Variants in DLG2 observed in about 807,000 individuals in gnomAD.
DLG2 encodes the protein disks large homolog 2.
In DLG2, 45 loss-of-function variants were observed where a neutral mutation model predicts 132.5. That is an observed-to-expected ratio of 0.34 (90% CI 0.27 to 0.44). DLG2 has a LOEUF of 0.44. Among genes scored for constraint, DLG2 ranks in the 20% least tolerant of loss-of-function variants. DLG2 has a pLI of 1.00. For synonymous variants in DLG2, 424 were observed against 419.6 expected (o/e 1.01, Z -0.13); for missense variants, 1,045 against 1,196.9 (o/e 0.87, Z 1.87).
intron 19 of DLG2, among the ~76,000 whole-genome samples, chr11:83,594,199 C>G (rs2097245711): frequency 6.6e-6 from 1 of 152,218 alleles, no homozygotes; most frequent in Admixed American, 6.5e-5. Context: ...AACCCTTTCT[C>G]TTCTGCCTTG....
intron 6 of DLG2, among the ~76,000 whole-genome samples, chr11:85,095,283 C>T (rs1304012284): frequency 1.3e-5 from 2 of 152,100 alleles, no homozygotes; most frequent in Non-Finnish European, 2.9e-5. Flanking sequence ...AAAATGTTGC[C>T]AATAGACTTG....
Position 85,471,884 on chromosome 11 carries a change from C to G in DLG2, c.40+126773G>C, listed in dbSNP as rs867758445. On this transcript the variant is annotated intron_variant, in intron 3 of 27. Coordinates refer to ENST00000376104, the MANE Select transcript of DLG2 (RefSeq NM_001142699.3). ...AAAATAAATAGACAAATCCTAGACA[C>G]CAATGACAAAGAATTATATAAGCAA... Among the ~76,000 whole-genome samples, 7 of 151,972 alleles carry G rather than the reference C, an allele frequency of 4.6e-5. No individual in the cohort carries two copies. In the South Asian group the frequency reaches 1.5e-3, roughly 32 times the overall value.
chr11:84,920,626 T>C (rs974981448), intron 6 of DLG2, among the ~76,000 whole-genome samples: 1 of 152,154 alleles, frequency 6.6e-6, no homozygotes, highest in African/African-American at 2.4e-5. Flanking sequence ...TCTAACATAG[T>C]GCATAAATCA....
intron 6 of DLG2, among the ~76,000 whole-genome samples, chr11:84,945,339 G>A (rs574135956): frequency 3.9e-5 from 6 of 152,308 alleles, no homozygotes; most frequent in Admixed American, 6.5e-5. Flanking sequence ...GTGTTCTTGA[G>A]TGAGATCCAG....
intron 7 of DLG2, among the ~76,000 whole-genome samples, chr11:84,517,590 C>A (rs2099277713): frequency 1.3e-5 from 2 of 151,810 alleles, no homozygotes; most frequent in South Asian, 4.1e-4. Flanking sequence ...GTATATAGAG[C>A]TTCTTCAAAA....
intron 3 of DLG2, among the ~76,000 whole-genome samples, chr11:85,415,620 G>GT (rs891973031): frequency 2.8e-4 from 42 of 151,998 alleles, no homozygotes; most frequent in South Asian, 2.5e-3. Flanking sequence ...GTGTTGATGA[G>GT]TTTTTTTTCA....
intron 6 of DLG2, among the ~76,000 whole-genome samples, chr11:84,826,691 G>C (rs1174602986): frequency 6.6e-6 from 1 of 151,646 alleles, no homozygotes; most frequent in Non-Finnish European, 1.5e-5. Flanking sequence ...ACATGGTAGA[G>C]AACTTGATTG....
intron 6 of DLG2, among the ~76,000 whole-genome samples, chr11:84,876,916 A>T (rs187365829): frequency 6.6e-6 from 1 of 152,162 alleles, no homozygotes; most frequent in African/African-American, 2.4e-5. Context: ...GAAATTATTT[A>T]TTTCTGCCTT....
At chr11:84,667,479 T>TG (rs1491354155) in intron 6 of DLG2, among the ~76,000 whole-genome samples, 11 of 39,174 alleles carry the variant, frequency 2.8e-4, no homozygotes, top group African/African-American at 1.5e-3. Flanking sequence ...TTTTTTTTTG[T>TG]TTTTGTTTTT....
chr11:84,575,941 C>T (rs1005297869), intron 6 of DLG2, among the ~76,000 whole-genome samples: 3 of 152,216 alleles, frequency 2.0e-5, no homozygotes, highest in Non-Finnish European at 2.9e-5. Context: ...TCTAATCTAA[C>T]TAGAATCTCA....
chr11:84,991,683 G>A (rs1427646891), intron 6 of DLG2, among the ~76,000 whole-genome samples: 2 of 152,092 alleles, frequency 1.3e-5, no homozygotes, highest in Non-Finnish European at 2.9e-5. Flanking sequence ...CTGTATCACT[G>A]TCAGTATCCT....
intron 9 of DLG2, among the ~76,000 whole-genome samples, chr11:84,160,776 T>C (rs1277821070): frequency 6.6e-6 from 1 of 152,176 alleles, no homozygotes; most frequent in Non-Finnish European, 1.5e-5. Flanking sequence ...AAGTAAAAAG[T>C]TGGTCTTAGA....
intron 18 of DLG2, among the ~76,000 whole-genome samples, chr11:83,691,266 T>C (rs2080945852): frequency 1.3e-5 from 2 of 152,216 alleles, no homozygotes; most frequent in Admixed American, 1.3e-4. Flanking sequence ...TGGCCTCTTC[T>C]GGCTATGTAA....
intron 15 of DLG2, among the ~76,000 whole-genome samples, chr11:83,913,182 C>T (rs1157220588): frequency 1.3e-5 from 2 of 151,930 alleles, no homozygotes; most frequent in Non-Finnish European, 2.9e-5. Flanking sequence ...ATTATAGCAG[C>T]TTTGTATGGA....
chr11:84,914,179 G>C (rs2092307440), intron 6 of DLG2, among the ~76,000 whole-genome samples: 1 of 152,136 alleles, frequency 6.6e-6, no homozygotes, highest in South Asian at 2.1e-4. Flanking sequence ...TCATTTTAAA[G>C]AAAGGTATTC....
chr11:84,656,975 G>C (rs1407269724), intron 6 of DLG2, among the ~76,000 whole-genome samples: 1 of 152,054 alleles, frequency 6.6e-6, no homozygotes, highest in Admixed American at 6.6e-5. Context: ...TCTGTGCCAG[G>C]TGTTATCTTT....
intron 16 of DLG2, among the ~76,000 whole-genome samples, chr11:83,861,894 C>T (rs1007790111): frequency 6.6e-6 from 1 of 152,062 alleles, no homozygotes; most frequent in East Asian, 1.9e-4. Flanking sequence ...GTTTGTAACT[C>T]AAAGGATAAA....
chr11:85,525,684 C>T (rs955581738), intron 3 of DLG2, among the ~76,000 whole-genome samples: 13 of 152,096 alleles, frequency 8.5e-5, no homozygotes, highest in Admixed American at 5.2e-4. Context: ...GACAGTAATG[C>T]CTGAGATGTG....
intron 6 of DLG2, among the ~76,000 whole-genome samples, chr11:84,575,847 A>T (rs977999240): frequency 2.0e-5 from 3 of 152,152 alleles, no homozygotes; most frequent in South Asian, 2.1e-4. Context: ...GTCAATCCAC[A>T]TCTGGTATAG....
Sources: gnomAD v4.1 joint callset for allele counts (sites outside exome capture counted in the v4.1 genomes callset) on GRCh38, gnomAD v4.1.1 for gene constraint, MANE v1.5 for transcripts, NCBI Gene and HGNC (gene_info 2026-07-23, HGNC 2026-07-21) for gene names.